The following IL1RAPL1 variants were observed in gnomAD, a reference collection of about 807,000 sequenced individuals.
IL1RAPL1 encodes the protein interleukin 1 receptor accessory protein like 1, also known as interleukin-1 receptor accessory protein-like 1.
A neutral mutation model predicts 48.4 loss-of-function variants in IL1RAPL1; 3 were observed. That is an observed-to-expected ratio of 0.06 (90% confidence interval 0.03 to 0.16). IL1RAPL1 has a LOEUF of 0.16. Among genes scored for constraint, IL1RAPL1 ranks in the 10% least tolerant of loss-of-function variants. IL1RAPL1 has a pLI of 1.00. For missense variants in IL1RAPL1, 349 were observed against 530.6 expected (o/e 0.66, Z 3.36); for synonymous variants, 185 against 187.7 (o/e 0.99, Z 0.12).
At chrX:29,329,828 A>C (rs762103100) in intron 3 of IL1RAPL1, among the ~76,000 whole-genome samples, 113 of 110,531 alleles carry the variant, frequency 1.0e-3, no homozygotes, top group Non-Finnish European at 1.5e-3. Context: ...AAAAAAAAAA[A>C]AACAACTACT....
At chrX:28,664,566 T>A (rs1209587908) in intron 1 of IL1RAPL1, among the ~76,000 whole-genome samples, 1 of 111,818 alleles carries the variant, frequency 8.9e-6, no homozygotes, top group East Asian at 2.8e-4. Flanking sequence ...GCTGACTTTG[T>A]CCAATCATTC....
At chrX:29,566,506 A>AT (rs1922411825) in intron 5 of IL1RAPL1, among the ~76,000 whole-genome samples, 1 of 112,271 alleles carries the variant, frequency 8.9e-6, no homozygotes, top group Non-Finnish European at 1.9e-5. Flanking sequence ...GAAGTTTGAA[A>AT]ACTAATTGAG....
At chrX:29,788,385 G>GA (rs1413815105) in intron 6 of IL1RAPL1, among the ~76,000 whole-genome samples, 2 of 111,384 alleles carry the variant, frequency 1.8e-5, no homozygotes, top group African/African-American at 6.5e-5. Flanking sequence ...TATATGCTAA[G>GA]AAAAAAATAC....
intron 5 of IL1RAPL1, among the ~76,000 whole-genome samples, chrX:29,504,893 GTT>G (rs1247482907): frequency 1.2e-5 from 1 of 81,101 alleles, no homozygotes; most frequent in Non-Finnish European, 2.5e-5. Context: ...TGTTCTGGTT[GTT>G]TTAGAACTCC....
Position 29,835,689 on chromosome X carries a change from T to C in IL1RAPL1, c.779-81775T>C, listed in dbSNP as rs557499021. On this transcript the variant is annotated intron_variant, in intron 6 of 10. Coordinates refer to ENST00000378993, the MANE Select transcript of IL1RAPL1 (RefSeq NM_014271.4). ...TTACTACTGATTCAATTTCCTTTCT[T>C]ATTATTGGTCAGTTTAGGTTTTCTC... Among the ~76,000 whole-genome samples the C allele has an allele frequency of 3.4e-4, 38 of 111,252 alleles. 1 individual carries two copies. In the South Asian group the frequency reaches 0.014, roughly 40 times the overall value.
intron 2 of IL1RAPL1, among the ~76,000 whole-genome samples, chrX:29,020,223 A>G (rs988392254): frequency 8.9e-6 from 1 of 112,616 alleles, no homozygotes; most frequent in African/African-American, 3.2e-5. Context: ...TAAAATCAAG[A>G]TATGAATCTA....
chrX:29,116,412 G>A (rs762740721), intron 2 of IL1RAPL1, among the ~76,000 whole-genome samples: 1 of 111,473 alleles, frequency 9.0e-6, no homozygotes, highest in African/African-American at 3.2e-5. Flanking sequence ...AAGGAGAAAA[G>A]GAGTAAGAAC....
intron 2 of IL1RAPL1, among the ~76,000 whole-genome samples, chrX:28,908,858 A>C (rs1455302840): frequency 1.8e-5 from 2 of 111,356 alleles, no homozygotes; most frequent in Non-Finnish European, 3.8e-5. Flanking sequence ...TGCCTCGTGT[A>C]TTTTGATACT....
At chrX:28,889,506 G>A (rs371097995) in intron 2 of IL1RAPL1, among the ~76,000 whole-genome samples, 2 of 111,577 alleles carry the variant, frequency 1.8e-5, no homozygotes, top group Non-Finnish European at 3.8e-5. Context: ...ACGTGAATTC[G>A]AATGGCTGGG....
chrX:28,607,045 CA>C (rs2146881428), intron 1 of IL1RAPL1, among the ~76,000 whole-genome samples: 1 of 109,533 alleles, frequency 9.1e-6, no homozygotes, highest in Non-Finnish European at 1.9e-5. Flanking sequence ...TTTTGTAAAT[CA>C]AAACAAAAAG....
chrX:29,125,455 T>C (rs890172266), intron 2 of IL1RAPL1, among the ~76,000 whole-genome samples: 1 of 112,154 alleles, frequency 8.9e-6, no homozygotes, highest in African/African-American at 3.2e-5. Flanking sequence ...TTGCTTGTTG[T>C]GTTCATCATT....
chrX:28,914,799 C>T (rs1308065543), intron 2 of IL1RAPL1, among the ~76,000 whole-genome samples: 2 of 112,585 alleles, frequency 1.8e-5, no homozygotes, highest in Non-Finnish European at 3.8e-5. Context: ...TCTGTATATA[C>T]TCTATGAAAA....
At chrX:28,605,990 A>C (rs1601831950) in intron 1 of IL1RAPL1, among the ~76,000 whole-genome samples, 1 of 110,992 alleles carries the variant, frequency 9.0e-6, no homozygotes, top group African/African-American at 3.3e-5. Flanking sequence ...CACACCCTCT[A>C]AAATTTCAAT....
chrX:29,082,689 A>C (rs139470393), intron 2 of IL1RAPL1, among the ~76,000 whole-genome samples: 116 of 111,752 alleles, frequency 1.0e-3, no homozygotes, highest in African/African-American at 3.6e-3. Context: ...AAGAACATGA[A>C]ATTTTGGTCA....
At chrX:29,319,152 A>ATCTATCTATCTGTCTGTCTGCCTG (rs368138032) in intron 3 of IL1RAPL1, among the ~76,000 whole-genome samples, 9 of 74,085 alleles carry the variant, frequency 1.2e-4, no homozygotes, top group African/African-American at 4.1e-4. Context: ...ATATCTGTCT[A>ATCTATCTATCTGTCTGTCTGCCTG]TCTGTCTGTC....
chrX:28,623,054 C>T (rs1157428249), intron 1 of IL1RAPL1, among the ~76,000 whole-genome samples: 4 of 111,323 alleles, frequency 3.6e-5, no homozygotes, highest in Admixed American at 1.9e-4. Context: ...ATTTCAGAAA[C>T]AAACACATCT....
chrX:29,316,436 C>A (rs760123661), intron 3 of IL1RAPL1, among the ~76,000 whole-genome samples: 31 of 112,208 alleles, frequency 2.8e-4, no homozygotes, highest in African/African-American at 9.7e-4. Flanking sequence ...CCCAAACATA[C>A]GTCTTTTTAT....
intron 5 of IL1RAPL1, among the ~76,000 whole-genome samples, chrX:29,434,636 T>C (rs1242500398): frequency 9.0e-6 from 1 of 111,210 alleles, no homozygotes; most frequent in Non-Finnish European, 1.9e-5. Flanking sequence ...GAATAATATA[T>C]ATTTGTAAAA....
At chrX:29,951,167 T>G (rs1012890733) in intron 9 of IL1RAPL1, among the ~76,000 whole-genome samples, 2 of 111,908 alleles carry the variant, frequency 1.8e-5, no homozygotes, top group African/African-American at 6.5e-5. Flanking sequence ...CAAAATTAGC[T>G]ATCGGGTGTG....
Sources: gnomAD v4.1 joint callset for allele counts (sites outside exome capture counted in the v4.1 genomes callset) on GRCh38, gnomAD v4.1.1 for gene constraint, MANE v1.5 for transcripts, NCBI Gene and HGNC (gene_info 2026-07-23, HGNC 2026-07-21) for gene names.